RAB3GAP1: variants seen among roughly 807,000 people sequenced by gnomAD.
RAB3GAP1 encodes rab3 GTPase-activating protein catalytic subunit.
In RAB3GAP1, 86 loss-of-function variants were observed where a neutral mutation model predicts 130.7. The observed-to-expected ratio is 0.66, with a 90% CI of 0.55 to 0.79. The LOEUF is 0.79. RAB3GAP1 is among the 30% of genes least tolerant of loss of function. The pLI, the probability that RAB3GAP1 is intolerant of heterozygous loss-of-function variation, is 0.00. For missense variants in RAB3GAP1, 1,029 were observed against 1,169.4 expected (o/e 0.88, Z 1.75); for synonymous variants, 367 against 401.7 (o/e 0.91, Z 1.03).
At position 135,162,214 on chromosome 2, in the gene RAB3GAP1, G is replaced by A. The variant is rs117783103; in HGVS notation, c.2290-341G>A. ...TACATATTTAATATTAGTGCCCTTA[G>A]TACGTGTATTCTGCGTCTTAAAATG... On this transcript the variant is annotated intron_variant, in intron 19 of 23. Transcript: ENST00000264158. Among the ~76,000 whole-genome samples the A allele has an allele frequency of 3.8e-3, 575 of 152,312 alleles. 15 individuals carry two copies. Among genetic ancestry groups the A allele is most frequent in the East Asian group, 0.033 (169 of 5,190 alleles).
intron 6 of RAB3GAP1, 32 bp from the exon 7 acceptor site, chr2:135,115,184 G>A (rs1431796021): frequency 2.5e-6 from 4 of 1,579,628 alleles, no homozygotes; most frequent in African/African-American, 2.7e-5. Flanking sequence ...TAATGAGCTT[G>A]TATTCCATTC....
At chr2:135,153,902 C>G (rs535422139) in intron 19 of RAB3GAP1, 26 bp downstream of exon 19, 2 of 1,590,106 alleles carry the variant, frequency 1.3e-6, no homozygotes, top group East Asian at 2.2e-5. Flanking sequence ...GTCTCTAATA[C>G]TAGAATGCAA....
In RAB3GAP1 at chr2:135,108,998, T is replaced by A. The variant is rs185161155; in HGVS notation, c.363-4153T>A. On this transcript the variant is annotated intron_variant, in intron 5 of 23. Coordinates refer to ENST00000264158, the MANE Select transcript of RAB3GAP1 (RefSeq NM_012233.3). ...GATTAGTTGACTATATTTATCTGGG[T>A]CTATTTTTAGGCTGTCTATTCTGTT... Among the ~76,000 whole-genome samples the A allele has an allele frequency of 2.3e-4, 35 of 152,286 alleles. 1 individual carries two copies. The highest frequency in any genetic ancestry group is 7.9e-4 in the African/African-American group (33 of 41,552).
At chr2:135,071,642 G>A (rs1689474907) in intron 3 of RAB3GAP1, among the ~76,000 whole-genome samples, 1 of 152,240 alleles carries the variant, frequency 6.6e-6, no homozygotes, top group Non-Finnish European at 1.5e-5. Flanking sequence ...GGAAGGAGCT[G>A]GAGGGGCCTA....
At chr2:135,151,075 A>G (rs1458406030) in intron 18 of RAB3GAP1, among the ~76,000 whole-genome samples, 3 of 152,222 alleles carry the variant, frequency 2.0e-5, no homozygotes, top group African/African-American at 7.2e-5. Flanking sequence ...TATCTGAAGA[A>G]TATTTTAGGG....
chr2:135,143,829 G>A (rs189183873), intron 17 of RAB3GAP1, among the ~76,000 whole-genome samples: 11 of 151,272 alleles, frequency 7.3e-5, no homozygotes, highest in Non-Finnish European at 1.2e-4. Flanking sequence ...GATTACAGGC[G>A]TGAGCCACTG....
chr2:135,127,150 C>G (rs1691373985), intron 11 of RAB3GAP1, among the ~76,000 whole-genome samples: 1 of 150,578 alleles, frequency 6.6e-6, no homozygotes, highest in Admixed American at 6.6e-5. Context: ...GCTGAGATTA[C>G]AGGCATGAGC....
chr2:135,120,004 T>G (rs1336369318), intron 7 of RAB3GAP1, among the ~76,000 whole-genome samples: 1 of 152,238 alleles, frequency 6.6e-6, no homozygotes, highest in African/African-American at 2.4e-5. Flanking sequence ...TAATCTATTT[T>G]GTGTGAGTGA....
At chr2:135,119,688 A>G (rs113028847) in intron 7 of RAB3GAP1, among the ~76,000 whole-genome samples, 3 of 152,158 alleles carry the variant, frequency 2.0e-5, no homozygotes, top group African/African-American at 7.2e-5. Flanking sequence ...TAAAGCTACT[A>G]GTGACATTTA....
rs1249896611 is a variant in RAB3GAP1 at position 135,169,335 on chromosome 2, T to C, written c.*554T>C. 5.4e-6 allele frequency: 1 copy of C among 186,604 alleles called. No individual in the cohort carries two copies. Among genetic ancestry groups the C allele is most frequent in the African/African-American group, 2.4e-5 (1 of 41,998 alleles). 11.6% of individuals were successfully genotyped at this position (186,604 alleles called of 1,614,324 possible). A position where few individuals can be genotyped will look rare whatever the true frequency, so the allele number is the denominator to read the frequency against. On this transcript the variant is annotated 3_prime_UTR_variant, in exon 24 of 24. Transcript: ENST00000264158. The stretch of plus-strand genomic sequence containing the variant: ...TGTACTAATTAACTGTTGATGAGCA[T>C]TTTGGATATTCTAGGAGAAAGCCTA...
intron 3 of RAB3GAP1, among the ~76,000 whole-genome samples, chr2:135,079,626 T>C (rs993376587): frequency 2.0e-5 from 3 of 152,242 alleles, no homozygotes; most frequent in Non-Finnish European, 4.4e-5. Flanking sequence ...TTCTTTCTTA[T>C]CAGTTTTACC....
Position 135,122,083 on chromosome 2 carries a change from A to G in RAB3GAP1, c.748+1165A>G, listed in dbSNP as rs139645288. Among the ~76,000 whole-genome samples the G allele has an allele frequency of 8.3e-3, 1,259 of 151,312 alleles. 14 individuals are homozygous for G. The highest frequency in any genetic ancestry group is 0.028 in the African/African-American group (1,157 of 40,838). ...ACTCCAGCCTGGGTGACAGAGTGAG[A>G]CCCTGTCTCAAAAAAAAAAGAAAAA... On this transcript the variant is annotated intron_variant, in intron 8 of 23. Transcript: ENST00000264158.
intron 17 of RAB3GAP1, 152 bp from the exon 18 acceptor site, chr2:135,150,217 G>C: frequency 1.1e-6 from 1 of 885,102 alleles, no homozygotes; most frequent in Non-Finnish European, 1.7e-6. Flanking sequence ...TTTTATGTAA[G>C]TTCTAAAAAA....
chr2:135,140,181 A>G (rs1353285335), intron 17 of RAB3GAP1, among the ~76,000 whole-genome samples: 1 of 152,180 alleles, frequency 6.6e-6, no homozygotes, highest in East Asian at 1.9e-4. Flanking sequence ...CTTTGGGCTA[A>G]TATGAATAAA....
At chr2:135,139,895 T>C (rs1338056316) in intron 17 of RAB3GAP1, among the ~76,000 whole-genome samples, 1 of 152,230 alleles carries the variant, frequency 6.6e-6, no homozygotes, top group African/African-American at 2.4e-5. Context: ...TTCTCTTAAC[T>C]TTTGTCACCA....
intron 7 of RAB3GAP1, among the ~76,000 whole-genome samples, chr2:135,117,492 T>G (rs191387448): frequency 1.1e-4 from 13 of 115,418 alleles, no homozygotes; most frequent in East Asian, 4.5e-4. Context: ...TGCTTCTTCT[T>G]CTGCTTCTTC....
chr2:135,098,979 GTAT>G (rs1333073617), intron 5 of RAB3GAP1, among the ~76,000 whole-genome samples: 1 of 151,928 alleles, frequency 6.6e-6, no homozygotes, highest in Non-Finnish European at 1.5e-5. Flanking sequence ...AATATGGATA[GTAT>G]TATTTCTTTT....
chr2:135,153,404 G>A (rs148888268), intron 18 of RAB3GAP1, among the ~76,000 whole-genome samples: 221 of 152,038 alleles, frequency 1.5e-3, no homozygotes, highest in African/African-American at 5.0e-3. Context: ...TCTTTACATC[G>A]AGTTTTTATA....
intron 5 of RAB3GAP1, among the ~76,000 whole-genome samples, chr2:135,101,459 G>A (rs1256519845): frequency 6.6e-6 from 1 of 152,164 alleles, no homozygotes; most frequent in Non-Finnish European, 1.5e-5. Context: ...CTGTCAGAGT[G>A]ATTTAAAATT....
Sources: allele counts gnomAD v4.1 joint callset (sites outside exome capture counted in the v4.1 genomes callset), GRCh38; gene constraint gnomAD v4.1.1; transcripts MANE v1.5; gene names NCBI Gene and HGNC (gene_info 2026-07-23, HGNC 2026-07-21).